NKIRAS2: variants seen among roughly 807,000 people sequenced by gnomAD.
NKIRAS2 encodes the protein NFKB inhibitor interacting Ras like 2, also known as NF-kappa-B inhibitor-interacting Ras-like protein 2.
In NKIRAS2, 15 loss-of-function variants were observed where a neutral mutation model predicts 20.7. That is an observed-to-expected ratio of 0.73 (90% confidence interval 0.49 to 1.12). NKIRAS2 has a LOEUF of 1.12. Ranked by LOEUF, NKIRAS2 falls within the 50% of genes most tolerant of loss-of-function variation. The pLI is 0.00. For synonymous variants in NKIRAS2, 116 were observed against 101.4 expected, an observed-to-expected ratio of 1.14 and a Z score of -0.87; for missense variants, 196 against 249.6, an observed-to-expected ratio of 0.79 and a Z score of 1.45.
At chr17:42,023,130 C>A in intron 3 of NKIRAS2, 2 of 319,848 alleles carry the variant, frequency 6.3e-6, no homozygotes. Context: ...CAGCCCCCTG[C>A]TAAGACTACA....
chr17:42,023,387 T>G (rs1167541923), intron 3 of NKIRAS2, among the ~76,000 whole-genome samples: 2 of 152,204 alleles, frequency 1.3e-5, no homozygotes, highest in Non-Finnish European at 2.9e-5. Flanking sequence ...AGAAACTGAC[T>G]GCTAATAATG....
chr17:42,018,200 A>G (rs180996001), upstream of NKIRAS2, among the ~76,000 whole-genome samples: 5 of 152,160 alleles, frequency 3.3e-5, no homozygotes, highest in African/African-American at 1.2e-4. Context: ...CACCTCTTAT[A>G]TAAACTCTCT....
chr17:42,023,373 A>G (rs1353069623), intron 3 of NKIRAS2, among the ~76,000 whole-genome samples: 1 of 152,188 alleles, frequency 6.6e-6, no homozygotes, highest in Non-Finnish European at 1.5e-5. Context: ...CCTGTTGTTG[A>G]GCCAGAAACT....
At position 42,024,245 on chromosome 17, in the gene NKIRAS2, GTA is replaced by G. The variant is rs2052525986; in HGVS notation, c.*353_*354del. ...TCTTGGGTCTGAGTTCCTATTATAG[GTA>G]GGGGCCCCACCCTCTGGGCTTCCCA... On this transcript the variant is annotated 3_prime_UTR_variant, in exon 4 of 4. Transcript: ENST00000393885. 1 of 304,232 alleles carries G rather than the reference GTA, an allele frequency of 3.3e-6. No homozygotes were observed. The highest frequency in any genetic ancestry group is 6.3e-6 in the Non-Finnish European group (1 of 158,118). The allele number at this position is 304,232 out of a possible 1,614,324, so 18.8% of individuals were successfully genotyped here.
chr17:42,024,244 G>A lies in NKIRAS2; in HGVS notation c.*351G>A. 3.3e-6 allele frequency: 1 copy of A among 306,330 alleles called. No homozygotes were observed. Among genetic ancestry groups the A allele is most frequent in the Non-Finnish European group, 6.3e-6 (1 of 159,302 alleles). The allele number at this position is 306,330 out of a possible 1,614,324, so 19.0% of individuals were successfully genotyped here. A position where few individuals can be genotyped will look rare whatever the true frequency, so the allele number is the denominator to read the frequency against. ...TTCTTGGGTCTGAGTTCCTATTATA[G>A]GTAGGGGCCCCACCCTCTGGGCTTC... On this transcript the variant is annotated 3_prime_UTR_variant, in exon 4 of 4. Coordinates refer to ENST00000393885, the MANE Select transcript of NKIRAS2 (RefSeq NM_017595.6).
intron 2 of NKIRAS2, 37 bp downstream of exon 2, chr17:42,021,708 G>A: frequency 1.9e-6 from 3 of 1,577,460 alleles, no homozygotes; most frequent in Non-Finnish European, 2.6e-6. Flanking sequence ...AGTGGAAGAA[G>A]TTGAAAAATA....
upstream of NKIRAS2, among the ~76,000 whole-genome samples, chr17:42,018,116 G>T (rs903229873): frequency 3.3e-5 from 5 of 152,100 alleles, no homozygotes; most frequent in African/African-American, 9.7e-5. Context: ...GACACATGGC[G>T]CCCCAGACCC....
At chr17:42,021,512 T>C (rs555975412) in intron 1 of NKIRAS2, 52 bp from the exon 2 acceptor site, 1 of 1,476,926 alleles carries the variant, frequency 6.8e-7, no homozygotes, top group Non-Finnish European at 9.5e-7. Context: ...AACTGCCTTC[T>C]GTGTTGATGC....
chr17:42,017,660 G>T (rs1415978092), upstream of NKIRAS2: 1 of 586,988 alleles, frequency 1.7e-6, no homozygotes, highest in Admixed American at 3.1e-5. Context: ...CCGTGGGTGG[G>T]AAGGCGGGGT....
intron 3 of NKIRAS2, 146 bp from the exon 4 acceptor site, chr17:42,023,508 C>T: frequency 2.7e-6 from 2 of 743,708 alleles, no homozygotes; most frequent in Non-Finnish European, 4.4e-6. Context: ...TCCTTCCCCA[C>T]AATGAGTGGT....
chr17:42,018,707 A>G (rs1165324819), upstream of NKIRAS2, among the ~76,000 whole-genome samples: 1 of 152,178 alleles, frequency 6.6e-6, no homozygotes, highest in Admixed American at 6.5e-5. Context: ...CTGTCTCACC[A>G]TCTTCCCACT....
chr17:42,017,811 T>C (rs2052348527), upstream of NKIRAS2, among the ~76,000 whole-genome samples: 1 of 152,198 alleles, frequency 6.6e-6, no homozygotes, highest in Non-Finnish European at 1.5e-5. Flanking sequence ...GACCCAAGAC[T>C]CTGTAGGGAA....
upstream of NKIRAS2, among the ~76,000 whole-genome samples, chr17:42,019,443 C>T (rs765957136): frequency 1.5e-3 from 224 of 152,218 alleles, 1 homozygote; most frequent in Middle Eastern, 3.4e-3. Context: ...TTTCCATTGC[C>T]GTCAATTTGA....
chr17:42,021,484 C>A, intron 1 of NKIRAS2, 80 bp from the exon 2 acceptor site: 2 of 1,234,246 alleles, frequency 1.6e-6, no homozygotes, highest in Non-Finnish European at 2.4e-6. Flanking sequence ...TTTTGTCCAC[C>A]AGAAAACATC....
chr17:42,021,359 G>A (rs1356366249), intron 1 of NKIRAS2: 2 of 534,602 alleles, frequency 3.7e-6, no homozygotes, highest in Non-Finnish European at 6.8e-6. Context: ...CGTTTCCTCT[G>A]ACTAGCATTG....
At position 42,021,560 on chromosome 17, in the gene NKIRAS2, C is replaced by T; in HGVS notation, c.-14-4C>T. On this transcript the variant is annotated splice_polypyrimidine_tract_variant and splice_region_variant and intron_variant, in intron 1 of 3. Coordinates refer to ENST00000393885, the MANE Select transcript of NKIRAS2 (RefSeq NM_017595.6). ...CCTTACCCAGCGTGCTTCTGTTCTT[C>T]AAGGTTGAAAACTAAGCATGGGGAA... 1 of 1,613,052 alleles carries T rather than the reference C, an allele frequency of 6.2e-7. No homozygotes were observed. Among genetic ancestry groups the T allele is most frequent in the Non-Finnish European group, 8.5e-7 (1 of 1,179,060 alleles).
intron 3 of NKIRAS2, chr17:42,023,278 C>T (rs1304493498): frequency 2.3e-5 from 6 of 265,932 alleles, no homozygotes; most frequent in South Asian, 2.2e-4. Flanking sequence ...GGATTACAGG[C>T]GTAAGCCACT....
intron 2 of NKIRAS2, 50 bp from the exon 3 acceptor site, chr17:42,022,349 C>T: frequency 1.3e-6 from 2 of 1,533,108 alleles, no homozygotes; most frequent in Non-Finnish European, 8.8e-7. Flanking sequence ...TCATCACTCA[C>T]ATTTCCCATC....
chr17:42,017,852 G>A (rs1555652266), upstream of NKIRAS2, among the ~76,000 whole-genome samples: 1 of 152,144 alleles, frequency 6.6e-6, no homozygotes, highest in East Asian at 1.9e-4. Context: ...TCCGACCTTG[G>A]AGTGTGTCCA....
Sources: gnomAD v4.1 joint callset for allele counts (sites outside exome capture counted in the v4.1 genomes callset) on GRCh38, gnomAD v4.1.1 for gene constraint, MANE v1.5 for transcripts, NCBI Gene and HGNC (gene_info 2026-07-23, HGNC 2026-07-21) for gene names.